The following CSMD1 variants were observed in gnomAD, a reference collection of about 807,000 sequenced individuals.
The protein encoded by CSMD1 is CUB and Sushi multiple domains 1, also known as CUB and sushi domain-containing protein 1.
CSMD1 carries 213 observed loss-of-function variants against 417.5 expected under a neutral mutation model. The ratio of observed to expected loss-of-function variants is 0.51; its 90% confidence interval spans 0.46 to 0.57. CSMD1 has a LOEUF of 0.57. Ranked by LOEUF, CSMD1 falls within the 20% of genes least tolerant of loss-of-function variation. The probability of loss-of-function intolerance (pLI) is 0.00; values close to 1 mark genes in which losing one functional copy is unlikely to be tolerated. For missense variants in CSMD1, 6,923 were observed against 4,529.7 expected, an observed-to-expected ratio of 1.53 and a Z score of -15.17; for synonymous variants, 2,862 against 1,736.8, an observed-to-expected ratio of 1.65 and a Z score of -16.11.
chr8:3,973,314 G>A (rs538393152), intron 5 of CSMD1, among the ~76,000 whole-genome samples: 1 of 152,142 alleles, frequency 6.6e-6, no homozygotes, highest in Non-Finnish European at 1.5e-5. Context: ...TTGAATATCA[G>A]TTGAATGTCT....
intron 3 of CSMD1, among the ~76,000 whole-genome samples, chr8:4,145,289 T>C (rs1473070882): frequency 6.6e-6 from 1 of 151,088 alleles, no homozygotes; most frequent in Non-Finnish European, 1.5e-5. Flanking sequence ...TCCAATGCTT[T>C]CTTGTTGAGA....
At chr8:4,922,031 C>T (rs1400824332) in intron 1 of CSMD1, among the ~76,000 whole-genome samples, 1 of 152,148 alleles carries the variant, frequency 6.6e-6, no homozygotes, top group Non-Finnish European at 1.5e-5. Context: ...TTTCAAGAAT[C>T]CCCCAGCATG....
chr8:3,848,557 C>T (rs1240018676), intron 5 of CSMD1, among the ~76,000 whole-genome samples: 1 of 152,172 alleles, frequency 6.6e-6, no homozygotes, highest in Non-Finnish European at 1.5e-5. Context: ...ACTTTAATTT[C>T]ACCTTTGTGC....
intron 1 of CSMD1, among the ~76,000 whole-genome samples, chr8:4,786,339 T>G (rs958287731): frequency 6.6e-6 from 1 of 152,234 alleles, no homozygotes. Flanking sequence ...AATTTGGGTA[T>G]AATATTTTAC....
intron 7 of CSMD1, among the ~76,000 whole-genome samples, chr8:3,641,168 C>T (rs542276061): frequency 6.6e-6 from 1 of 151,434 alleles, no homozygotes; most frequent in African/African-American, 2.4e-5. Flanking sequence ...GCACATGTAA[C>T]ATGCAATGGG....
At chr8:3,527,637 T>A (rs1226848295) in intron 10 of CSMD1, among the ~76,000 whole-genome samples, 1 of 152,016 alleles carries the variant, frequency 6.6e-6, no homozygotes, top group East Asian at 1.9e-4. Context: ...TGGTGAAATC[T>A]CAAACCAGGT....
chr8:3,995,047 G>C (rs896335688), intron 5 of CSMD1, among the ~76,000 whole-genome samples: 2 of 152,060 alleles, frequency 1.3e-5, no homozygotes, highest in African/African-American at 2.4e-5. Context: ...TATGCAATTC[G>C]GGAATGGGGA....
At chr8:3,471,500 C>G (rs1817097782) in intron 11 of CSMD1, among the ~76,000 whole-genome samples, 1 of 151,508 alleles carries the variant, frequency 6.6e-6, no homozygotes. Context: ...TTCTTTCCTT[C>G]CTTCCTTCAT....
intron 7 of CSMD1, among the ~76,000 whole-genome samples, chr8:3,705,456 G>A (rs900198792): frequency 1.3e-5 from 2 of 152,162 alleles, no homozygotes; most frequent in African/African-American, 2.4e-5. Context: ...ACTTCTTAAC[G>A]GGGACAGCCT....
At chr8:3,948,375 G>A (rs1364329657) in intron 5 of CSMD1, among the ~76,000 whole-genome samples, 1 of 152,162 alleles carries the variant, frequency 6.6e-6, no homozygotes, top group Non-Finnish European at 1.5e-5. Context: ...CACTTTGGAA[G>A]CACTGATGCA....
chr8:3,797,951 T>A (rs1361189556), intron 5 of CSMD1, among the ~76,000 whole-genome samples: 1 of 152,016 alleles, frequency 6.6e-6, no homozygotes, highest in Non-Finnish European at 1.5e-5. Context: ...GCTGTTCTCA[T>A]AACTATTTAC....
chr8:3,462,560 T>C (rs1816572623), intron 12 of CSMD1, among the ~76,000 whole-genome samples: 1 of 152,130 alleles, frequency 6.6e-6, no homozygotes, highest in Non-Finnish European at 1.5e-5. Flanking sequence ...TCTGTCACTG[T>C]CTCCCATCAC....
At chr8:3,262,069 A>C (rs1044030336) in intron 26 of CSMD1, among the ~76,000 whole-genome samples, 10 of 151,542 alleles carry the variant, frequency 6.6e-5, no homozygotes, top group Non-Finnish European at 1.3e-4. Flanking sequence ...GATTACCCCA[A>C]AGTAAAACAA....
At chr8:3,653,656 T>A (rs1563237529) in intron 7 of CSMD1, among the ~76,000 whole-genome samples, 2 of 152,134 alleles carry the variant, frequency 1.3e-5, no homozygotes, top group Admixed American at 1.3e-4. Flanking sequence ...CGAAGCCTGA[T>A]AAGGGCCAGC....
At chr8:3,195,216 G>A (rs1476486483) in intron 33 of CSMD1, among the ~76,000 whole-genome samples, 1 of 152,158 alleles carries the variant, frequency 6.6e-6, no homozygotes. Context: ...GGTTTACTGA[G>A]ACACAGTCAA....
intron 49 of CSMD1, among the ~76,000 whole-genome samples, chr8:3,083,733 G>A (rs1027288256): frequency 3.0e-5 from 4 of 132,370 alleles, no homozygotes; most frequent in African/African-American, 5.8e-5. Context: ...TCGGCTCACT[G>A]CAGCCTCTGC....
In CSMD1 at chr8:4,945,262, T is replaced by A. The variant is rs146388237; in HGVS notation, c.85+49070A>T. 7.9e-5 allele frequency among the ~76,000 whole-genome samples: 12 copies of A among 152,268 alleles called. No individual in the cohort carries two copies. In the East Asian group the frequency reaches 2.3e-3, roughly 29 times the overall value. On this transcript the variant is annotated intron_variant, in intron 1 of 69. Transcript: ENST00000635120. The stretch of plus-strand genomic sequence containing the variant: ...GGCTGTGGAAGGGAACATGGGGAGT[T>A]ACTGTTGAATGGGAACAGAGTTTTA...
intron 41 of CSMD1, among the ~76,000 whole-genome samples, chr8:3,126,196 T>C (rs1466995884): frequency 6.6e-6 from 1 of 152,190 alleles, no homozygotes; most frequent in African/African-American, 2.4e-5. Context: ...TACCCATCTA[T>C]ACAAGGGCCA....
chr8:3,445,632 T>G (rs1363198840), intron 12 of CSMD1, among the ~76,000 whole-genome samples: 3 of 152,088 alleles, frequency 2.0e-5, no homozygotes, highest in Non-Finnish European at 4.4e-5. Flanking sequence ...GCCATTCACT[T>G]GGGAGACAGC....
Sources: allele counts gnomAD v4.1 joint callset (sites outside exome capture counted in the v4.1 genomes callset), GRCh38; gene constraint gnomAD v4.1.1; transcripts MANE v1.5; gene names NCBI Gene and HGNC (gene_info 2026-07-23, HGNC 2026-07-21).